Variants in PCDHGA2 observed in about 807,000 individuals in gnomAD.
PCDHGA2 encodes protocadherin gamma subfamily A, 2, also known as protocadherin gamma-A2.
Under a neutral mutation model 59.2 loss-of-function variants are expected in PCDHGA2, and 40 were observed. The observed-to-expected ratio is 0.68, with a 90% CI of 0.52 to 0.88. PCDHGA2 has a LOEUF of 0.88. Among genes scored for constraint, PCDHGA2 ranks in the 40% least tolerant of loss-of-function variants. PCDHGA2 has a pLI of 0.00. For missense variants in PCDHGA2, 1,226 were observed against 1,204.0 expected, an observed-to-expected ratio of 1.02 and a Z score of -0.27; for synonymous variants, 560 against 526.0, an observed-to-expected ratio of 1.06 and a Z score of -0.89.
At chr5:141,416,253 A>G (rs1399251065) in intron 1 of PCDHGA2, 1 of 152,312 alleles carries the variant, frequency 6.6e-6, no homozygotes, top group Non-Finnish European at 1.5e-5. Flanking sequence ...AACTGATAAC[A>G]CTGCAGTATC....
At chr5:141,463,367 C>G (rs1437952082) in intron 1 of PCDHGA2, among the ~76,000 whole-genome samples, 1 of 151,748 alleles carries the variant, frequency 6.6e-6, no homozygotes, top group African/African-American at 2.4e-5. Context: ...CCTTTCCTGC[C>G]CCACAGTCTG....
chr5:141,491,723 G>C lies in PCDHGA2; in HGVS notation c.2425-3084G>C. The C allele has an allele frequency of 1.2e-6, 2 of 1,606,770 alleles. No homozygotes were observed. The highest frequency in any genetic ancestry group is 1.7e-6 in the Non-Finnish European group (2 of 1,177,028). On this transcript the variant is annotated intron_variant, in intron 1 of 3. Transcript: ENST00000394576. The surrounding 1 kb of genome is among the most constrained non-coding windows in gnomAD (Gnocchi z 6.9). The stretch of plus-strand genomic sequence containing the variant: ...CAGGTGAGGGGCTCGGCGCCGCCCC[G>C]GGCGACCCCTGGGGGCGGCACTGGA...
chr5:141,380,910 A>G (rs1776848535), intron 1 of PCDHGA2, among the ~76,000 whole-genome samples: 1 of 152,262 alleles, frequency 6.6e-6, no homozygotes, highest in South Asian at 2.1e-4. Context: ...ACAAGTGCTT[A>G]CATTGTTTAA....
chr5:141,428,856 G>A (rs1195849417), intron 1 of PCDHGA2: 4 of 143,808 alleles, frequency 2.8e-5, no homozygotes, highest in Admixed American at 1.4e-4. Flanking sequence ...ATTTTTACGG[G>A]AGACTTTTTT....
At chr5:141,479,975 C>A (rs1459297521) in intron 1 of PCDHGA2, among the ~76,000 whole-genome samples, 1 of 152,186 alleles carries the variant, frequency 6.6e-6, no homozygotes, top group East Asian at 1.9e-4. Context: ...TGAGGTTCTA[C>A]CATTTACCAA....
At chr5:141,364,349 G>C (rs758855393) in intron 1 of PCDHGA2, 1 of 1,549,456 alleles carries the variant, frequency 6.5e-7, no homozygotes, top group Middle Eastern at 1.7e-4. Flanking sequence ...TCCACCTAGG[G>C]GCTGGGGCTG....
Position 141,489,880 on chromosome 5 carries a change from G to A in PCDHGA2, c.2425-4927G>A. On this transcript the variant is annotated intron_variant, in intron 1 of 3. Transcript: ENST00000394576. The surrounding 1 kb of genome is among the most constrained non-coding windows in gnomAD (Gnocchi z 4.5). Reference sequence around the variant, plus strand: ...GGCAAGACATCAGCTGGTGCTTACTGCTGTGGATGGGGGGACCCCAGCCCG... The same window carrying A: ...GGCAAGACATCAGCTGGTGCTTACTACTGTGGATGGGGGGACCCCAGCCCG... 2 of 1,614,230 alleles carry A rather than the reference G, an allele frequency of 1.2e-6. No individual in the cohort carries two copies. The highest frequency in any genetic ancestry group is 1.7e-6 in the Non-Finnish European group (2 of 1,180,026).
chr5:141,396,042 A>G (rs2093337325), intron 1 of PCDHGA2: 2 of 152,260 alleles, frequency 1.3e-5, no homozygotes, highest in Non-Finnish European at 2.9e-5. Context: ...ACATATTTCA[A>G]TACAATTCCA....
At chr5:141,502,216 A>G (rs957759583) in intron 2 of PCDHGA2, among the ~76,000 whole-genome samples, 3 of 152,334 alleles carry the variant, frequency 2.0e-5, no homozygotes, top group Admixed American at 6.5e-5. Context: ...GCAGATTTTC[A>G]TAAATGTTCT....
At chr5:141,364,201 G>C (rs1199932362) in intron 1 of PCDHGA2, 1 of 1,146,160 alleles carries the variant, frequency 8.7e-7, no homozygotes, top group Admixed American at 3.2e-5. Context: ...ACACAGACCA[G>C]ACAAGCTCCT....
At chr5:141,500,094 A>C (rs2099796337) in intron 2 of PCDHGA2, among the ~76,000 whole-genome samples, 1 of 151,860 alleles carries the variant, frequency 6.6e-6, no homozygotes, top group South Asian at 2.1e-4. Context: ...CCATTTTTGC[A>C]ATTTATTTGT....
At chr5:141,374,174 A>T in intron 1 of PCDHGA2, 1 of 1,613,482 alleles carries the variant, frequency 6.2e-7, no homozygotes, top group South Asian at 1.1e-5. Flanking sequence ...GGCAGCGCAG[A>T]TCCGCTACTC....
chr5:141,375,941 G>T, intron 1 of PCDHGA2: 1 of 1,613,580 alleles, frequency 6.2e-7, no homozygotes, highest in South Asian at 1.1e-5. Flanking sequence ...TTTCTCAGTG[G>T]GCCTGCACAC....
At chr5:141,414,916 C>T in intron 1 of PCDHGA2, 2 of 1,614,194 alleles carry the variant, frequency 1.2e-6, no homozygotes, top group Non-Finnish European at 1.7e-6. Context: ...AGGCGTGGAG[C>T]TGGCGCCCCG....
intron 1 of PCDHGA2, chr5:141,362,175 G>A (rs1354338158): frequency 1.9e-6 from 3 of 1,614,050 alleles, no homozygotes; most frequent in South Asian, 1.1e-5. Context: ...ACCGCCGGGA[G>A]CCCTCTGACC....
At chr5:141,409,502 T>G (rs1311120933) in intron 1 of PCDHGA2, 17 of 1,613,868 alleles carry the variant, frequency 1.1e-5, no homozygotes, top group Non-Finnish European at 1.4e-5. Context: ...GCCTCTTTCT[T>G]CCAGTAGAAG....
chr5:141,387,336 C>T (rs1351788377), intron 1 of PCDHGA2, among the ~76,000 whole-genome samples: 4 of 152,122 alleles, frequency 2.6e-5, no homozygotes, highest in African/African-American at 7.2e-5. Flanking sequence ...AATTACTGTA[C>T]TCTGAGACGG....
rs1357530807 is a variant in PCDHGA2, at chr5:141,365,228, G to A, written c.2424+23833G>A. On this transcript the variant is annotated intron_variant, in intron 1 of 3. Coordinates refer to ENST00000394576, the MANE Select transcript of PCDHGA2 (RefSeq NM_018915.4). ...TTTCCAACTTGATTCCAACCTGGGG[G>A]AAATCTCAACTCTACAATCACTGGA... 2.5e-6 allele frequency: 4 copies of A among 1,613,942 alleles called. No homozygotes were observed. In the South Asian group the frequency reaches 3.3e-5, roughly 13 times the overall value.
chr5:141,469,314 C>T (rs982242861), intron 1 of PCDHGA2, among the ~76,000 whole-genome samples: 3 of 152,100 alleles, frequency 2.0e-5, no homozygotes, highest in Admixed American at 1.3e-4. Context: ...CGATGGCTCA[C>T]GCCTGTAATC....
Sources: gnomAD v4.1 joint callset for allele counts (sites outside exome capture counted in the v4.1 genomes callset) on GRCh38, gnomAD v4.1.1 for gene constraint, Gnocchi (gnomAD v3.1) non-coding constraint, MANE v1.5 for transcripts, NCBI Gene and HGNC (gene_info 2026-07-23, HGNC 2026-07-21) for gene names.